Variants in DISP1 observed in about 807,000 individuals in gnomAD.
DISP1 encodes the protein dispatched RND transporter family member 1.
Under a neutral mutation model 37.3 loss-of-function variants are expected in DISP1, and 30 were observed. The observed-to-expected ratio is 0.80, with a 90% CI of 0.60 to 1.09. The LOEUF (loss-of-function observed/expected upper bound fraction) is 1.09. Ranked by LOEUF, DISP1 falls within the 50% of genes least tolerant of loss-of-function variation. The pLI is 0.00. For missense variants in DISP1, 1,598 were observed against 1,879.5 expected (o/e 0.85, Z 2.77); for synonymous variants, 634 against 690.2 (o/e 0.92, Z 1.28).
intron 8 of DISP1, among the ~76,000 whole-genome samples, chr1:222,996,751 G>A (rs986461253): frequency 2.1e-4 from 32 of 152,274 alleles, no homozygotes; most frequent in Admixed American, 1.1e-3. Flanking sequence ...TTGGAACCCA[G>A]CCAAGTTGAA....
chr1:222,972,424 G>A (rs920380765), intron 3 of DISP1, among the ~76,000 whole-genome samples: 1 of 151,904 alleles, frequency 6.6e-6, no homozygotes, highest in Non-Finnish European at 1.5e-5. Context: ...TCAGTCCTCC[G>A]AAAATAGTGT....
intron 3 of DISP1, among the ~76,000 whole-genome samples, chr1:222,967,716 G>T (rs1220921087): frequency 2.0e-5 from 3 of 152,136 alleles, no homozygotes; most frequent in Admixed American, 6.5e-5. Flanking sequence ...AATTGACTTG[G>T]CATTGAATGT....
intron 1 of DISP1, among the ~76,000 whole-genome samples, chr1:222,867,406 G>A (rs760520939): frequency 4.6e-5 from 7 of 152,236 alleles, no homozygotes; most frequent in Non-Finnish European, 8.8e-5. Context: ...TAATGTTCTT[G>A]TGGAGGTACT....
chr1:222,863,712 A>T (rs1002287059), intron 1 of DISP1, among the ~76,000 whole-genome samples: 3 of 152,076 alleles, frequency 2.0e-5, no homozygotes, highest in African/African-American at 7.2e-5. Flanking sequence ...ATTAGTTTGA[A>T]TTCATAGATA....
intron 1 of DISP1, among the ~76,000 whole-genome samples, chr1:222,919,611 C>G (rs776437988): frequency 6.6e-6 from 1 of 152,120 alleles, no homozygotes; most frequent in Non-Finnish European, 1.5e-5. Flanking sequence ...CTGTGGTAAC[C>G]GTAGTAACTG....
chr1:222,994,837 G>A (rs1678941830), intron 7 of DISP1, 48 bp from the exon 8 acceptor site: 1 of 1,356,758 alleles, frequency 7.4e-7, no homozygotes. Context: ...TGAAATAAAT[G>A]AATAATTTAT....
In DISP1 at chr1:222,965,586, C is replaced by T. The variant is rs1335623608; in HGVS notation, c.510-17494C>T. 2.6e-5 allele frequency among the ~76,000 whole-genome samples: 4 copies of T among 152,154 alleles called. No individual in the cohort carries two copies. In the East Asian group the frequency reaches 7.7e-4, roughly 29 times the overall value. The stretch of plus-strand genomic sequence containing the variant: ...TAAACAGTTTTCTTTTTCTGCATTC[C>T]ATGATCTTATGCTTTTCTTTCTTTT... On this transcript the variant is annotated intron_variant, in intron 3 of 8. Coordinates refer to ENST00000675850, the MANE Select transcript of DISP1 (RefSeq NM_001377229.1).
intron 1 of DISP1, among the ~76,000 whole-genome samples, chr1:222,891,281 A>C (rs1270851699): frequency 6.6e-6 from 1 of 152,178 alleles, no homozygotes; most frequent in Non-Finnish European, 1.5e-5. Context: ...GGACCTAATG[A>C]CCAGCTGAAC....
chr1:222,950,453 A>G (rs1297139970), intron 3 of DISP1, among the ~76,000 whole-genome samples: 2 of 152,142 alleles, frequency 1.3e-5, no homozygotes, highest in Non-Finnish European at 2.9e-5. Context: ...ACAAAAAATT[A>G]GCTGGGCGTG....
intron 3 of DISP1, among the ~76,000 whole-genome samples, chr1:222,982,265 C>T (rs2789945): frequency 6.6e-6 from 1 of 152,050 alleles, no homozygotes; most frequent in African/African-American, 2.4e-5. Context: ...GCTTTACACA[C>T]ATCTGTAGTT....
Position 223,004,244 on chromosome 1 carries a change from G to A in DISP1, c.2847G>A (p.Ser949=), listed in dbSNP as rs764352427. The A allele has an allele frequency of 2.0e-5, 32 of 1,614,134 alleles. No individual in the cohort carries two copies. Among genetic ancestry groups the A allele is most frequent in the South Asian group, 8.8e-5 (8 of 91,078 alleles). Residue 949 remains serine, a synonymous_variant, in exon 9 of 9, where the codon TCG becomes TCA. Coordinates refer to ENST00000675850, the MANE Select transcript of DISP1 (RefSeq NM_001377229.1). The surrounding 1 kb of genome is among the most constrained non-coding windows in gnomAD (Gnocchi z 4.9). Reference sequence around the variant, plus strand: ...ATCAGTTTTATAAAGAGGTGGACTCGTGGATATCCAGTGAGCTGAGTTCGG... The same window carrying A: ...ATCAGTTTTATAAAGAGGTGGACTCATGGATATCCAGTGAGCTGAGTTCGG... ...KMHQFYKEVD[S]WISSELSSAP...
At chr1:222,887,708 C>A in intron 1 of DISP1, among the ~76,000 whole-genome samples, 1 of 144,980 alleles carries the variant, frequency 6.9e-6, no homozygotes, top group African/African-American at 2.5e-5. Context: ...CCTTGTTAGC[C>A]AGGATGGTCT....
intron 1 of DISP1, among the ~76,000 whole-genome samples, chr1:222,909,050 G>C (rs1012508280): frequency 6.6e-6 from 1 of 152,066 alleles, no homozygotes. Context: ...TGGGCTGCAT[G>C]GGTCAAAACC....
At chr1:222,910,393 G>A (rs1166258062) in intron 1 of DISP1, among the ~76,000 whole-genome samples, 2 of 152,012 alleles carry the variant, frequency 1.3e-5, no homozygotes, top group African/African-American at 2.4e-5. Flanking sequence ...AGGGATGAGG[G>A]CAAAATTAAG....
intron 1 of DISP1, among the ~76,000 whole-genome samples, chr1:222,846,548 A>G (rs1023408624): frequency 6.6e-6 from 1 of 152,164 alleles, no homozygotes; most frequent in Admixed American, 6.5e-5. Context: ...TAGAACTAGG[A>G]TAGCAGTTCT....
At chr1:222,956,911 C>T (rs1479554641) in intron 3 of DISP1, among the ~76,000 whole-genome samples, 1 of 152,064 alleles carries the variant, frequency 6.6e-6, no homozygotes, top group Non-Finnish European at 1.5e-5. Flanking sequence ...AACAGTCTGG[C>T]ATGAAAAGGC....
At chr1:222,963,869 G>A (rs974647452) in intron 3 of DISP1, among the ~76,000 whole-genome samples, 4 of 152,076 alleles carry the variant, frequency 2.6e-5, no homozygotes, top group African/African-American at 9.7e-5. Context: ...TTCTGCACAT[G>A]TATCCCGGAA....
chr1:223,002,547 A>G lies in DISP1; in HGVS notation c.1150A>G (p.Thr384Ala), dbSNP rs1168762958. The change falls in exon 9 of 9, where the codon ACT becomes GCT. Residue 384 changes from threonine (T) to alanine (A), a missense_variant. By Grantham distance (58) the Thr-to-Ala change is moderately conservative. Coordinates refer to ENST00000675850, the MANE Select transcript of DISP1 (RefSeq NM_001377229.1). ...TTCTCATACCTTGAAGCTGCTTCGG[A>G]CTTGTGCCAAACACTACCAAAATGG... ...DVSHTLKLLR[T>A]CAKHYQNGTL... 4 of 1,614,144 alleles carry G rather than the reference A, an allele frequency of 2.5e-6. No individual in the cohort carries two copies. Among genetic ancestry groups the G allele is most frequent in the Admixed American group, 1.7e-5 (1 of 60,026 alleles).
chr1:222,948,113 A>T (rs1282229470), intron 3 of DISP1, among the ~76,000 whole-genome samples: 1 of 152,234 alleles, frequency 6.6e-6, no homozygotes, highest in African/African-American at 2.4e-5. Flanking sequence ...AAGGGAACTA[A>T]GTAAACAGAG....
Sources: gnomAD v4.1 joint callset for allele counts (sites outside exome capture counted in the v4.1 genomes callset) on GRCh38, gnomAD v4.1.1 for gene constraint, Gnocchi (gnomAD v3.1) non-coding constraint, MANE v1.5 for transcripts, NCBI Gene and HGNC (gene_info 2026-07-23, HGNC 2026-07-21) for gene names.